HIPK2: variants seen among roughly 807,000 people sequenced by gnomAD.
HIPK2 encodes homeodomain-interacting protein kinase 2.
In HIPK2, 27 loss-of-function variants were observed where a neutral mutation model predicts 113.7. The ratio of observed to expected loss-of-function variants is 0.24; its 90% CI spans 0.17 to 0.33. The LOEUF (loss-of-function observed/expected upper bound fraction) is 0.33. Ranked by LOEUF, HIPK2 falls within the 10% of genes least tolerant of loss-of-function variation. HIPK2 has a pLI of 1.00. For missense variants in HIPK2, 1,257 were observed against 1,588.0 expected (o/e 0.79, Z 3.54); for synonymous variants, 631 against 642.2 (o/e 0.98, Z 0.26).
chr7:139,699,333 C>T (rs981145642), intron 2 of HIPK2, among the ~76,000 whole-genome samples: 4 of 152,086 alleles, frequency 2.6e-5, no homozygotes, highest in African/African-American at 4.8e-5. Context: ...GCAATCCTCA[C>T]GCTGTGCAGG....
At chr7:139,776,898 A>G (rs1796769688) in intron 1 of HIPK2, among the ~76,000 whole-genome samples, 1 of 152,188 alleles carries the variant, frequency 6.6e-6, no homozygotes, top group Non-Finnish European at 1.5e-5. Flanking sequence ...AAGGCAGTCA[A>G]ATGGGGAAAA....
intron 1 of HIPK2, among the ~76,000 whole-genome samples, chr7:139,752,151 T>A (rs1309569330): frequency 6.6e-6 from 1 of 152,244 alleles, no homozygotes; most frequent in African/African-American, 2.4e-5. Flanking sequence ...CAGCCATGCA[T>A]GTGCCTGTGT....
At chr7:139,700,286 A>G (rs1421513186) in intron 2 of HIPK2, among the ~76,000 whole-genome samples, 1 of 152,146 alleles carries the variant, frequency 6.6e-6, no homozygotes, top group Non-Finnish European at 1.5e-5. Context: ...ATCTGGACAG[A>G]GTGGGACACA....
chr7:139,648,699 C>A (rs537006766), intron 2 of HIPK2, among the ~76,000 whole-genome samples: 2 of 152,252 alleles, frequency 1.3e-5, no homozygotes, highest in African/African-American at 2.4e-5. Flanking sequence ...TCAGCCCCGT[C>A]TGCATCATTA....
rs1798266649 is a variant in HIPK2, at chr7:139,571,269, G to C, written c.*1658C>G. ...CAAAACAGCCCAGGGAGCCGGAGGA[G>C]AGAGTGGAGCCCCGGGCGAGGCTGA... is the stretch of plus-strand genomic sequence containing the variant. On this transcript the variant is annotated 3_prime_UTR_variant, in exon 15 of 15. Transcript: ENST00000406875. 1 of 152,322 alleles carries C rather than the reference G, an allele frequency of 6.6e-6. No individual in the cohort carries two copies. Among genetic ancestry groups the C allele is most frequent in the Non-Finnish European group, 1.5e-5 (1 of 68,112 alleles). The allele number at this position is 152,322 out of a possible 1,614,324, so 9.4% of individuals were successfully genotyped here. A position where few individuals can be genotyped will look rare whatever the true frequency, so the allele number is the denominator to read the frequency against.
intron 2 of HIPK2, among the ~76,000 whole-genome samples, chr7:139,702,461 C>A (rs910579686): frequency 6.6e-6 from 1 of 152,188 alleles, no homozygotes; most frequent in Non-Finnish European, 1.5e-5. Flanking sequence ...GGACCCTCGC[C>A]GAGGCCCAGC....
At chr7:139,666,368 G>A (rs948565626) in intron 2 of HIPK2, among the ~76,000 whole-genome samples, 4 of 152,192 alleles carry the variant, frequency 2.6e-5, no homozygotes, top group South Asian at 4.1e-4. Flanking sequence ...CCTTCGCCAC[G>A]AAAGCACAGA....
At chr7:139,659,602 G>GTC (rs1039839375) in intron 2 of HIPK2, among the ~76,000 whole-genome samples, 3 of 152,306 alleles carry the variant, frequency 2.0e-5, no homozygotes, top group African/African-American at 7.2e-5. Context: ...CTATCCTATA[G>GTC]TCTCTGCAGT....
chr7:139,629,043 T>C lies in HIPK2; in HGVS notation c.1348-4A>G. ...CTGCTTCATGGTCATCTGGTGTCTG[T>C]CAAGAGAGGCAAAAGCCAATTGGTA... On this transcript the variant is annotated splice_polypyrimidine_tract_variant and splice_region_variant and intron_variant, in intron 4 of 14. Coordinates refer to ENST00000406875, the MANE Select transcript of HIPK2 (RefSeq NM_022740.5). The C allele has an allele frequency of 6.3e-7, 1 of 1,584,248 alleles. No homozygotes were observed. The highest frequency in any genetic ancestry group is 1.1e-5 in the South Asian group (1 of 86,988).
At chr7:139,667,803 G>T (rs1042679108) in intron 2 of HIPK2, among the ~76,000 whole-genome samples, 10 of 151,890 alleles carry the variant, frequency 6.6e-5, no homozygotes, top group African/African-American at 4.8e-5. Flanking sequence ...TTTTACTTTG[G>T]CTTATCTTTT....
chr7:139,716,309 A>T lies in HIPK2; in HGVS notation c.726T>A (p.Ile242=), dbSNP rs752501881. 2.5e-6 allele frequency: 4 copies of T among 1,614,134 alleles called. No homozygotes were observed. Among genetic ancestry groups the T allele is most frequent in the Non-Finnish European group, 3.4e-6 (4 of 1,180,020 alleles). ...NHPSYARQGQ[I]EVSILARLST... ...TCAACCGGGCCAGGATGCTCACTTC[A>T]ATCTGACCTTGTCGGGCATAGGATG... Residue 242 remains isoleucine (I), a synonymous_variant, in exon 2 of 15, where the codon ATT becomes ATA. Transcript: ENST00000406875. This position sits in a 1 kb window ranked among gnomAD's most constrained non-coding sequence, Gnocchi z 9.3.
At chr7:139,686,495 T>C (rs1794225499) in intron 2 of HIPK2, among the ~76,000 whole-genome samples, 1 of 152,168 alleles carries the variant, frequency 6.6e-6, no homozygotes, top group Non-Finnish European at 1.5e-5. Flanking sequence ...TGGGAGGTAA[T>C]TGAATCATGG....
intron 2 of HIPK2, among the ~76,000 whole-genome samples, chr7:139,712,372 C>G (rs953917493): frequency 2.0e-5 from 3 of 152,158 alleles, no homozygotes; most frequent in African/African-American, 7.2e-5. Context: ...TAGGTGGGGA[C>G]AATGGTGGGA....
rs372955477 is a variant in HIPK2, at chr7:139,583,940, T to C, written c.2842A>G (p.Asn948Asp). 5.0e-6 allele frequency: 8 copies of C among 1,614,062 alleles called. No individual in the cohort carries two copies. In the African/African-American group the frequency reaches 8.0e-5, roughly 16 times the overall value. Residue 948 changes from asparagine to aspartate, a missense_variant, in exon 13 of 15, where the codon AAT becomes GAT. Transcript: ENST00000406875. ...VQQRAGHNNA[N>D]AFDTKGSLEN... ...AGGCTCCCCTTGGTGTCAAAGGCAT[T>C]GGCATTGTTGTGCCCAGCACGCTGC...
intron 1 of HIPK2, among the ~76,000 whole-genome samples, chr7:139,747,918 C>T (rs1251490859): frequency 6.6e-6 from 1 of 152,214 alleles, no homozygotes; most frequent in Non-Finnish European, 1.5e-5. Flanking sequence ...TTACTGGTCA[C>T]GTGGCAAGTA....
intron 2 of HIPK2, among the ~76,000 whole-genome samples, chr7:139,632,576 C>T (rs1375929861): frequency 6.6e-6 from 1 of 152,152 alleles, no homozygotes; most frequent in Non-Finnish European, 1.5e-5. Context: ...CATGAACAAC[C>T]TGTTCCTGAA....
intron 2 of HIPK2, among the ~76,000 whole-genome samples, chr7:139,632,010 C>T (rs1032692266): frequency 1.3e-5 from 2 of 152,228 alleles, no homozygotes; most frequent in Non-Finnish European, 2.9e-5. Flanking sequence ...TACCTTCACA[C>T]GCCAATCAGA....
At chr7:139,662,617 C>CTTTT (rs373566905) in intron 2 of HIPK2, among the ~76,000 whole-genome samples, 1 of 133,650 alleles carries the variant, frequency 7.5e-6, no homozygotes, top group Admixed American at 7.7e-5. Context: ...TAAAACACCA[C>CTTTT]TTTTTTTTTT....
chr7:139,723,633 T>A (rs1795483806), intron 1 of HIPK2, among the ~76,000 whole-genome samples: 1 of 152,204 alleles, frequency 6.6e-6, no homozygotes, highest in African/African-American at 2.4e-5. Flanking sequence ...CATATCTGAG[T>A]AACATTTCCT....
Sources: gnomAD v4.1 joint callset for allele counts (sites outside exome capture counted in the v4.1 genomes callset) on GRCh38, gnomAD v4.1.1 for gene constraint, Gnocchi (gnomAD v3.1) non-coding constraint, MANE v1.5 for transcripts, NCBI Gene and HGNC (gene_info 2026-07-23, HGNC 2026-07-21) for gene names.